Variants in NOX5 observed in about 807,000 individuals in gnomAD.
The protein encoded by NOX5 is NADPH oxidase, EF-hand calcium binding domain 5.
Under a neutral mutation model 85.7 loss-of-function variants are expected in NOX5, and 76 were observed. That is an observed-to-expected ratio of 0.89 (90% CI 0.74 to 1.07). NOX5 has a LOEUF of 1.07. NOX5 is among the 50% of genes least tolerant of loss of function. The probability of loss-of-function intolerance (pLI) is 0.00; values close to 1 mark genes in which losing one functional copy is unlikely to be tolerated. For missense variants in NOX5, 973 were observed against 999.5 expected, an observed-to-expected ratio of 0.97 and a Z score of 0.36; for synonymous variants, 405 against 401.4, an observed-to-expected ratio of 1.01 and a Z score of -0.11.
intron 14 of NOX5, among the ~76,000 whole-genome samples, chr15:69,051,806 A>C (rs186397456): frequency 3.6e-4 from 55 of 152,310 alleles, no homozygotes; most frequent in African/African-American, 1.3e-3. Flanking sequence ...GAGTGATCTA[A>C]GATAAAGATT....
At chr15:69,037,297 C>A (rs902646579) in intron 8 of NOX5, 87 bp downstream of exon 8, 4 of 1,295,934 alleles carry the variant, frequency 3.1e-6, no homozygotes, top group Non-Finnish European at 3.2e-6. Context: ...CCCTGTCAGA[C>A]CCCCAAGGAA....
In NOX5 at chr15:69,057,394, T is replaced by C. The variant is rs867178906; in HGVS notation, c.*698T>C. The C allele has an allele frequency of 9.2e-5, 14 of 152,380 alleles. No individual in the cohort carries two copies. The highest frequency in any genetic ancestry group is 3.1e-4 in the African/African-American group (13 of 41,584). The allele number at this position is 152,380 out of a possible 1,614,324, so 9.4% of individuals were successfully genotyped here. ...ATCTGGGAATGAAACCTGAAATATG[T>C]ATTTTCCACCAAATCCATTTGCATA... On this transcript the variant is annotated 3_prime_UTR_variant, in exon 16 of 16. Coordinates refer to ENST00000388866, the MANE Select transcript of NOX5 (RefSeq NM_024505.4).
intron 1 of NOX5, chr15:69,022,594 G>A (rs1254317591): frequency 5.6e-6 from 1 of 177,556 alleles, no homozygotes; most frequent in Non-Finnish European, 1.2e-5. Context: ...CATGGTACAG[G>A]ATGATGTCAT....
At position 69,031,816 on chromosome 15, in the gene NOX5, C is replaced by T. The variant is rs770177293; in HGVS notation, c.620+4C>T. On this transcript the variant is annotated splice_donor_region_variant and intron_variant, in intron 4 of 15. Coordinates refer to ENST00000388866, the MANE Select transcript of NOX5 (RefSeq NM_024505.4). Reference sequence around the variant, plus strand: ...TCATGGAGAACCTGACCATCAGGTACGGCCGGGTCTCGGGCATTGGCACTG... The same window carrying T: ...TCATGGAGAACCTGACCATCAGGTATGGCCGGGTCTCGGGCATTGGCACTG... The T allele has an allele frequency of 8.8e-6, 14 of 1,591,644 alleles. No individual in the cohort carries two copies. Among genetic ancestry groups the T allele is most frequent in the East Asian group, 6.8e-5 (3 of 44,260 alleles).
intron 14 of NOX5, 46 bp downstream of exon 14, chr15:69,049,104 C>T (rs371795101): frequency 8.1e-6 from 10 of 1,235,752 alleles, no homozygotes; most frequent in Non-Finnish European, 1.1e-5. Context: ...AGGGCAGGGG[C>T]CTTCAGCTTC....
chr15:69,035,726 C>T (rs2140263352), intron 6 of NOX5, 32 bp from the exon 7 acceptor site: 2 of 1,604,762 alleles, frequency 1.2e-6, no homozygotes, highest in East Asian at 2.2e-5. Context: ...GCTGGTCTTG[C>T]AGTCACTCAA....
intron 7 of NOX5, 93 bp downstream of exon 7, chr15:69,036,029 A>G (rs2050512693): frequency 1.9e-6 from 3 of 1,539,950 alleles, no homozygotes; most frequent in Non-Finnish European, 2.6e-6. Flanking sequence ...AGAGCCCAGG[A>G]AGGTCCCAAG....
chr15:69,028,121 C>G (rs1295050566), intron 2 of NOX5, 94 bp from the exon 3 acceptor site: 49 of 1,379,396 alleles, frequency 3.6e-5, no homozygotes, highest in Admixed American at 7.1e-5. Flanking sequence ...TGCACCCCCC[C>G]ACCACCACCC....
intron 2 of NOX5, among the ~76,000 whole-genome samples, chr15:69,027,254 C>G (rs114991775): frequency 0.01 from 1,590 of 152,252 alleles, 31 homozygotes; most frequent in African/African-American, 0.037. Context: ...ACTAAGAACT[C>G]TAACGCCACG....
intron 1 of NOX5, chr15:69,022,526 G>C (rs2050307724): frequency 5.9e-6 from 1 of 170,582 alleles, no homozygotes; most frequent in Admixed American, 5.9e-5. Context: ...GTATTATCTG[G>C]AGATGTTCTG....
rs1418473989 is a variant in NOX5, at chr15:69,060,055, G to A, written c.*3359G>A. ...ACCTAATTGTCACTTGTAATTTGGG[G>A]AACAAAAGCACAAACACAAGCCCAC... is the stretch of plus-strand genomic sequence containing the variant. On this transcript the variant is annotated 3_prime_UTR_variant, in exon 16 of 16. Transcript: ENST00000388866. The A allele has an allele frequency of 6.6e-6, 1 of 152,274 alleles. No individual in the cohort carries two copies. The highest frequency in any genetic ancestry group is 6.5e-5 in the Admixed American group (1 of 15,282). 9.4% of individuals were successfully genotyped at this position (152,274 alleles called of 1,614,324 possible).
intron 1 of NOX5, among the ~76,000 whole-genome samples, chr15:69,021,646 T>G: frequency 6.6e-6 from 1 of 152,340 alleles, no homozygotes. Flanking sequence ...TAAATAATTA[T>G]TGGTCCATTC....
At chr15:69,056,438 C>T in intron 15 of NOX5, 127 bp from the exon 16 acceptor site, 3 of 1,207,878 alleles carry the variant, frequency 2.5e-6, no homozygotes, top group Non-Finnish European at 3.5e-6. Flanking sequence ...ATGCAGCTCC[C>T]TGTGTAAAAT....
intron 10 of NOX5, among the ~76,000 whole-genome samples, chr15:69,043,020 A>AG (rs756345236): frequency 6.6e-6 from 1 of 152,198 alleles, no homozygotes; most frequent in Non-Finnish European, 1.5e-5. Context: ...CCCCATTAGA[A>AG]GGGGGAGAGA....
chr15:69,051,035 C>G (rs2140280093), intron 14 of NOX5, among the ~76,000 whole-genome samples: 1 of 152,316 alleles, frequency 6.6e-6, no homozygotes, highest in African/African-American at 2.4e-5. Context: ...ATTTTCAGAG[C>G]AAGTGAGTAG....
intron 5 of NOX5, 94 bp downstream of exon 5, chr15:69,033,371 A>G (rs2050467370): frequency 7.2e-7 from 1 of 1,380,580 alleles, no homozygotes; most frequent in Non-Finnish European, 9.7e-7. Flanking sequence ...GACACCTGGA[A>G]TGCCAGGGCA....
chr15:69,041,102 C>T (rs1178986314), intron 9 of NOX5, among the ~76,000 whole-genome samples: 3 of 152,186 alleles, frequency 2.0e-5, no homozygotes, highest in Non-Finnish European at 4.4e-5. Context: ...GATAATATAC[C>T]AACTTCGTTT....
rs1595778721 is a variant in NOX5 at position 69,035,406 on chromosome 15, A to C, written c.908A>C (p.Gln303Pro). The C allele has an allele frequency of 6.2e-7, 1 of 1,614,194 alleles. No homozygotes were observed. Among genetic ancestry groups the C allele is most frequent in the Non-Finnish European group, 8.5e-7 (1 of 1,180,036 alleles). ...TGGCTGCGGGCCACGTGGCTGGCTC[A>C]AGTCCTACCACTGGACCAGAACATC... ...LTWLRATWLAQVLPLDQNIQF... is the reference protein window; with the variant it reads ...LTWLRATWLAPVLPLDQNIQF... The change falls in exon 6 of 16, where the codon CAA becomes CCA. Residue 303 changes from glutamine to proline, a missense_variant. By Grantham distance (76) the Gln-to-Pro change is moderately conservative (BLOSUM62 -1). Transcript: ENST00000388866.
rs184603365 is a variant in NOX5, at chr15:69,028,428, C to G, written c.325+63C>G. The G allele has an allele frequency of 6.1e-5, 89 of 1,469,318 alleles. No homozygotes were observed. In the African/African-American group the frequency reaches 1.2e-3, roughly 19 times the overall value. The allele number at this position is 1,469,318 out of a possible 1,614,324, so 91.0% of individuals were successfully genotyped here. On this transcript the variant is annotated intron_variant, in intron 3 of 15. Transcript: ENST00000388866. ...ATCAGTGGGCCTCAGTGAGAACTGG[C>G]CATTTCACCTTGGCAGGCCTGGAGG... is the stretch of plus-strand genomic sequence containing the variant.
Sources: allele counts gnomAD v4.1 joint callset (sites outside exome capture counted in the v4.1 genomes callset), GRCh38; gene constraint gnomAD v4.1.1; transcripts MANE v1.5; gene names NCBI Gene and HGNC (gene_info 2026-07-23, HGNC 2026-07-21).